Variants in ITGA1 observed in about 807,000 individuals in gnomAD.
ITGA1 encodes integrin subunit alpha 1.
In ITGA1, 85 loss-of-function variants were observed where a neutral mutation model predicts 145.9. The ratio of observed to expected loss-of-function variants is 0.58; its 90% CI spans 0.49 to 0.70. ITGA1 has a LOEUF of 0.70. ITGA1 is among the 30% of genes least tolerant of loss of function. The pLI is 0.00. For synonymous variants in ITGA1, 520 were observed against 495.3 expected, an observed-to-expected ratio of 1.05 and a Z score of -0.66; for missense variants, 1,351 against 1,418.7, an observed-to-expected ratio of 0.95 and a Z score of 0.77.
Position 52,905,902 on chromosome 5 carries a change from A to C in ITGA1, c.1449A>C (p.Gly483=), listed in dbSNP as rs1750395846. 1 of 1,610,856 alleles carries C rather than the reference A, an allele frequency of 6.2e-7. No homozygotes were observed. Among genetic ancestry groups the C allele is most frequent in the Non-Finnish European group, 8.5e-7 (1 of 1,178,236 alleles). The change falls in exon 12 of 29, where the codon GGA becomes GGC. Residue 483 remains glycine, a synonymous_variant. Coordinates refer to ENST00000282588, the MANE Select transcript of ITGA1 (RefSeq NM_181501.2). ...GNIKILQTLS[G]EQIGSYFGSI... ...TCAAAATTCTCCAGACGCTCAGTGG[A>C]GAACAGGTAAACTTGAAAAATATTC...
At chr5:52,916,157 C>CA (rs1474810920) in intron 15 of ITGA1, among the ~76,000 whole-genome samples, 2 of 151,946 alleles carry the variant, frequency 1.3e-5, no homozygotes, top group African/African-American at 4.8e-5. Context: ...ATTTAGTAGG[C>CA]AAAAATAATT....
At chr5:52,910,052 C>A in intron 13 of ITGA1, 110 bp from the exon 14 acceptor site, 2 of 1,032,020 alleles carry the variant, frequency 1.9e-6, no homozygotes, top group South Asian at 1.8e-5. Flanking sequence ...CCAACTTTAC[C>A]ACTAATGTAC....
At position 52,954,708 on chromosome 5, in the gene ITGA1, A is replaced by T. The variant is rs1751277708; in HGVS notation, c.*2257A>T. On this transcript the variant is annotated 3_prime_UTR_variant, in exon 29 of 29. Transcript: ENST00000282588. ...TCTATAACACCAAAAAACAGAGTTT[A>T]CAGAAAATAAACACAAAAGCTATAT... is the stretch of plus-strand genomic sequence containing the variant. The T allele has an allele frequency of 6.6e-6, 1 of 152,196 alleles. No individual in the cohort carries two copies. The highest frequency in any genetic ancestry group is 1.5e-5 in the Non-Finnish European group (1 of 68,028). The allele number at this position is 152,196 out of a possible 1,614,324, so 9.4% of individuals were successfully genotyped here. A position where few individuals can be genotyped will look rare whatever the true frequency, so the allele number is the denominator to read the frequency against.
chr5:52,879,737 C>T (rs6894299), intron 6 of ITGA1, among the ~76,000 whole-genome samples: 50,933 of 151,574 alleles, frequency 0.34, 9,497 homozygotes, highest in African/African-American at 0.5. Flanking sequence ...CTTTTGGTCA[C>T]CTTTATTCCA....
At chr5:52,875,107 C>T (rs1290252858) in intron 6 of ITGA1, among the ~76,000 whole-genome samples, 1 of 152,102 alleles carries the variant, frequency 6.6e-6, no homozygotes, top group African/African-American at 2.4e-5. Context: ...TACTCTTTTG[C>T]ACCATTTGCA....
In ITGA1 at chr5:52,881,995, G is replaced by A. The variant is rs1349384609; in HGVS notation, c.747G>A (p.Met249Ile). The A allele has an allele frequency of 2.5e-6, 4 of 1,612,664 alleles. No homozygotes were observed. The highest frequency in any genetic ancestry group is 2.5e-6 in the Non-Finnish European group (3 of 1,179,410). Reference protein sequence around the residue: ...KIVQRGGRQTMTALGIDTARK... With the variant: ...KIVQRGGRQTITALGIDTARK... ...TCCAGAGAGGTGGCCGCCAGACTATGACAGCTCTTGGAATAGACACAGCAA... is the reference window on the plus strand; with the variant it reads ...TCCAGAGAGGTGGCCGCCAGACTATAACAGCTCTTGGAATAGACACAGCAA... The change falls in exon 7 of 29, where the codon ATG (methionine) becomes ATA (isoleucine). Residue 249 changes from methionine (M) to isoleucine (I), a missense_variant. Met to Ile is a conservative substitution (Grantham distance 10). Coordinates refer to ENST00000282588, the MANE Select transcript of ITGA1 (RefSeq NM_181501.2).
At chr5:52,799,109 G>C (rs1447528791) in intron 1 of ITGA1, among the ~76,000 whole-genome samples, 1 of 152,136 alleles carries the variant, frequency 6.6e-6, no homozygotes, top group African/African-American at 2.4e-5. Flanking sequence ...AGAAAAGACA[G>C]TGAGAAGCTA....
chr5:52,795,321 A>G (rs769741226), intron 1 of ITGA1, among the ~76,000 whole-genome samples: 4 of 151,866 alleles, frequency 2.6e-5, no homozygotes, highest in Admixed American at 6.6e-5. Context: ...AAGGAATAAC[A>G]AAAAGATTAG....
intron 8 of ITGA1, 96 bp from the exon 9 acceptor site, chr5:52,893,579 G>C: frequency 9.3e-7 from 1 of 1,072,340 alleles, no homozygotes; most frequent in Non-Finnish European, 1.3e-6. Context: ...TTATGCTAAG[G>C]TACTCTACAC....
At chr5:52,854,954 A>C (rs1424482596) in intron 2 of ITGA1, among the ~76,000 whole-genome samples, 1 of 152,216 alleles carries the variant, frequency 6.6e-6, no homozygotes, top group Non-Finnish European at 1.5e-5. Context: ...AGGTCATTAC[A>C]AAAATGCCAT....
At chr5:52,821,636 CT>C (rs1315675946) in intron 1 of ITGA1, among the ~76,000 whole-genome samples, 1 of 152,132 alleles carries the variant, frequency 6.6e-6, no homozygotes, top group Non-Finnish European at 1.5e-5. Context: ...TCCCATTCTC[CT>C]TGTATTCTTC....
intron 19 of ITGA1, among the ~76,000 whole-genome samples, chr5:52,926,052 A>G (rs1750800415): frequency 6.6e-6 from 1 of 152,116 alleles, no homozygotes; most frequent in Non-Finnish European, 1.5e-5. Context: ...TTTGCTCTTA[A>G]TTCTGATCTC....
In ITGA1 at chr5:52,947,351, A is replaced by G; in HGVS notation, c.3385A>G (p.Ile1129Val). ...CTTGTTTAATAATTTTCAGCTTGCT[A>G]TTCAAATATCCAAAGATGGGCTACC... ...SSSNQKRELA[I>V]QISKDGLPGR... Residue 1129 changes from isoleucine (I) to valine (V), a missense_variant, in exon 28 of 29, where the codon ATT becomes GTT. By Grantham distance (29) the Ile-to-Val change is conservative. Coordinates refer to ENST00000282588, the MANE Select transcript of ITGA1 (RefSeq NM_181501.2). 5.0e-6 allele frequency: 8 copies of G among 1,600,664 alleles called. No individual in the cohort carries two copies. Among genetic ancestry groups the G allele is most frequent in the Non-Finnish European group, 6.8e-6 (8 of 1,168,084 alleles).
At chr5:52,912,299 T>G (rs1336752192) in intron 14 of ITGA1, among the ~76,000 whole-genome samples, 2 of 145,366 alleles carry the variant, frequency 1.4e-5, no homozygotes, top group African/African-American at 2.5e-5. Context: ...ATCTATATAC[T>G]ATATATCTAC....
intron 14 of ITGA1, among the ~76,000 whole-genome samples, chr5:52,913,522 C>A (rs1273072930): frequency 6.6e-6 from 1 of 151,452 alleles, no homozygotes; most frequent in Non-Finnish European, 1.5e-5. Context: ...ATTTTTTTTC[C>A]TTCATTAGAA....
At chr5:52,899,164 G>A (rs1428410064) in intron 11 of ITGA1, among the ~76,000 whole-genome samples, 3 of 152,136 alleles carry the variant, frequency 2.0e-5, no homozygotes, top group Non-Finnish European at 4.4e-5. Flanking sequence ...TTAGTGCTGG[G>A]AATAAAGTGA....
chr5:52,840,032 TAG>T (rs1749227967), intron 1 of ITGA1, among the ~76,000 whole-genome samples: 3 of 152,162 alleles, frequency 2.0e-5, no homozygotes, highest in African/African-American at 7.2e-5. Context: ...CAGTTAAAGC[TAG>T]TAGGTAAATT....
chr5:52,928,095 A>G (rs1750840237), intron 20 of ITGA1, among the ~76,000 whole-genome samples: 1 of 152,150 alleles, frequency 6.6e-6, no homozygotes, highest in Admixed American at 6.6e-5. Flanking sequence ...TGAGCAATAT[A>G]TTTCTGTTAT....
rs1750754761 is a variant in ITGA1 at position 52,923,143 on chromosome 5, G to C, written c.2403+256G>C. Among the ~76,000 whole-genome samples the C allele has an allele frequency of 3.9e-5, 6 of 152,316 alleles. No homozygotes were observed. The South Asian group carries it at 1.2e-3, about 32-fold the overall frequency. On this transcript the variant is annotated intron_variant, in intron 18 of 28. Transcript: ENST00000282588. ...TTAGATGTGGGGCAGGGAGGTATAT[G>C]TAAGCATGTCCAGAGAGGAACTCCA...
Sources: gnomAD v4.1 joint callset for allele counts (sites outside exome capture counted in the v4.1 genomes callset) on GRCh38, gnomAD v4.1.1 for gene constraint, MANE v1.5 for transcripts, NCBI Gene and HGNC (gene_info 2026-07-23, HGNC 2026-07-21) for gene names.